Variants in BPIFC observed in about 807,000 individuals in gnomAD.
BPIFC encodes the protein BPI fold containing family C.
Under a neutral mutation model 57.6 loss-of-function variants are expected in BPIFC, and 60 were observed. The observed-to-expected ratio is 1.04, with a 90% CI of 0.85 to 1.29. BPIFC has a LOEUF of 1.29. Ranked by LOEUF, BPIFC falls within the 50% of genes most tolerant of loss-of-function variation. BPIFC has a pLI of 0.00. For missense variants in BPIFC, 581 were observed against 600.5 expected (o/e 0.97, Z 0.34); for synonymous variants, 243 against 224.5 (o/e 1.08, Z -0.74).
chr22:32,455,495 C>T (rs186177647), intron 3 of BPIFC, among the ~76,000 whole-genome samples: 21 of 152,284 alleles, frequency 1.4e-4, no homozygotes, highest in African/African-American at 4.8e-4. Context: ...ACTCCACATA[C>T]GTTCTCTCCT....
intron 11 of BPIFC, 151 bp from the exon 12 acceptor site, chr22:32,432,694 A>G: frequency 2.7e-6 from 2 of 748,898 alleles, no homozygotes; most frequent in Non-Finnish European, 4.2e-6. Flanking sequence ...ACACACAAAA[A>G]TCAAACGATG....
intron 13 of BPIFC, among the ~76,000 whole-genome samples, chr22:32,421,370 G>A (rs1431582002): frequency 6.6e-6 from 1 of 152,178 alleles, no homozygotes; most frequent in African/African-American, 2.4e-5. Flanking sequence ...TTGTTACTGG[G>A]ACTCAGATCT....
At chr22:32,426,059 A>G (rs1315019557) in intron 13 of BPIFC, among the ~76,000 whole-genome samples, 1 of 152,214 alleles carries the variant, frequency 6.6e-6, no homozygotes, top group South Asian at 2.1e-4. Context: ...CAGTCTGTCT[A>G]GACCACCAAC....
intron 4 of BPIFC, 27 bp downstream of exon 4, chr22:32,453,355 GA>G (rs1470638520): frequency 4.6e-6 from 7 of 1,510,452 alleles, no homozygotes; most frequent in Non-Finnish European, 6.3e-6. Flanking sequence ...CTTCTTATAA[GA>G]GGCAAAATGC....
intron 13 of BPIFC, among the ~76,000 whole-genome samples, chr22:32,425,791 G>T (rs1329378771): frequency 1.3e-5 from 2 of 152,084 alleles, no homozygotes; most frequent in Non-Finnish European, 2.9e-5. Flanking sequence ...TATTATTCCC[G>T]TTTTATGCTT....
chr22:32,441,282 A>G (rs373124507), intron 8 of BPIFC, among the ~76,000 whole-genome samples: 1 of 151,796 alleles, frequency 6.6e-6, no homozygotes, highest in Non-Finnish European at 1.5e-5. Flanking sequence ...TGGTCACTCT[A>G]TCTAGAATGG....
chr22:32,450,563 A>C (rs1054199636), intron 4 of BPIFC, among the ~76,000 whole-genome samples: 6 of 152,182 alleles, frequency 3.9e-5, no homozygotes, highest in Non-Finnish European at 8.8e-5. Context: ...TGTCATATGA[A>C]TATGTAACCA....
intron 3 of BPIFC, 104 bp downstream of exon 3, chr22:32,457,159 G>A: frequency 7.5e-7 from 1 of 1,340,700 alleles, no homozygotes; most frequent in Non-Finnish European, 1.0e-6. Context: ...CCACAGTACG[G>A]CGTTTCTCAG....
intron 13 of BPIFC, among the ~76,000 whole-genome samples, chr22:32,428,249 ACG>A (rs1491228466): frequency 2.4e-5 from 3 of 126,518 alleles, no homozygotes; most frequent in African/African-American, 1.1e-4. Flanking sequence ...ATACATTAAA[ACG>A]TGTGTGTGTG....
intron 9 of BPIFC, among the ~76,000 whole-genome samples, chr22:32,437,396 G>A (rs945286342): frequency 6.6e-6 from 1 of 151,936 alleles, no homozygotes; most frequent in African/African-American, 2.4e-5. Flanking sequence ...TTTTCATTTT[G>A]TTTTGTTTTT....
At position 32,461,640 on chromosome 22, in the gene BPIFC, C is replaced by A. The variant is rs1417744715; in HGVS notation, c.-67G>T. On this transcript the variant is annotated 5_prime_UTR_variant, in exon 2 of 17. In the 5' UTR this introduces an upstream ATG that the reference lacks. Transcript: ENST00000300399. Reference sequence around the variant, plus strand: ...GGCCTTTCTTGATCCTTTAGTTGCCCTTGGAGGTTAGTCAAGGTGTCCTGG... The same window carrying A: ...GGCCTTTCTTGATCCTTTAGTTGCCATTGGAGGTTAGTCAAGGTGTCCTGG... The A allele has an allele frequency of 1.0e-6, 1 of 985,402 alleles. No homozygotes were observed. Among genetic ancestry groups the A allele is most frequent in the African/African-American group, 1.7e-5 (1 of 57,204 alleles). 61.0% of individuals were successfully genotyped at this position (985,402 alleles called of 1,614,324 possible). A position where few individuals can be genotyped will look rare whatever the true frequency, so the allele number is the denominator to read the frequency against.
intron 11 of BPIFC, 29 bp downstream of exon 11, chr22:32,433,690 C>T: frequency 6.2e-7 from 1 of 1,606,610 alleles, no homozygotes; most frequent in Non-Finnish European, 8.5e-7. Context: ...GCCAAATACA[C>T]TATCAAGACT....
intron 2 of BPIFC, among the ~76,000 whole-genome samples, chr22:32,461,159 G>C (rs564222223): frequency 1.3e-5 from 2 of 152,152 alleles, no homozygotes; most frequent in Admixed American, 6.5e-5. Context: ...GGGAATAGGA[G>C]GGGGACACTC....
chr22:32,458,069 C>T (rs1450224118), intron 2 of BPIFC, among the ~76,000 whole-genome samples: 1 of 152,090 alleles, frequency 6.6e-6, no homozygotes, highest in Non-Finnish European at 1.5e-5. Flanking sequence ...TACTCCCCAC[C>T]CCCATTAAAG....
At chr22:32,434,966 C>T (rs1193566433) in intron 10 of BPIFC, among the ~76,000 whole-genome samples, 1 of 141,968 alleles carries the variant, frequency 7.0e-6, no homozygotes, top group East Asian at 2.0e-4. Context: ...ACCAGGATAA[C>T]TTTACGTCAG....
chr22:32,448,352 C>T (rs773976245), intron 4 of BPIFC, among the ~76,000 whole-genome samples: 3 of 152,066 alleles, frequency 2.0e-5, no homozygotes, highest in Non-Finnish European at 4.4e-5. Flanking sequence ...GGATTATAGG[C>T]GTGAGCCACT....
Position 32,456,511 on chromosome 22 carries a change from C to G in BPIFC, c.124+752G>C, listed in dbSNP as rs141063488. 4.2e-3 allele frequency among the ~76,000 whole-genome samples: 563 copies of G among 134,276 alleles called. 2 individuals are homozygous for G. Among genetic ancestry groups the G allele is most frequent in the African/African-American group, 0.015 (532 of 36,372 alleles). 88.1% of individuals were successfully genotyped at this position (134,276 alleles called of 152,430 possible). ...TTCTGGTATAGTAGAAGAAGCATTTCTTAGTTAGGCTTAGTTAGGTATTTC... is the reference window on the plus strand; with the variant it reads ...TTCTGGTATAGTAGAAGAAGCATTTGTTAGTTAGGCTTAGTTAGGTATTTC... On this transcript the variant is annotated intron_variant, in intron 3 of 16. Transcript: ENST00000300399.
chr22:32,446,887 G>C, intron 5 of BPIFC: 1 of 820,228 alleles, frequency 1.2e-6, no homozygotes, highest in Non-Finnish European at 1.5e-6. Flanking sequence ...TGAATGGCTG[G>C]CTCAAGATCA....
At chr22:32,452,363 G>A (rs1181367277) in intron 4 of BPIFC, among the ~76,000 whole-genome samples, 4 of 152,166 alleles carry the variant, frequency 2.6e-5, no homozygotes, top group East Asian at 1.9e-4. Context: ...TGGGCTGGGC[G>A]TGGTGGCTCA....
Sources: allele counts gnomAD v4.1 joint callset (sites outside exome capture counted in the v4.1 genomes callset), GRCh38; gene constraint gnomAD v4.1.1; transcripts MANE v1.5; gene names NCBI Gene and HGNC (gene_info 2026-07-23, HGNC 2026-07-21).